SERPINB7: variants seen among roughly 807,000 people sequenced by gnomAD.
SERPINB7 encodes the protein serpin family B member 7, also known as serpin B7.
SERPINB7 carries 31 observed loss-of-function variants against 37.4 expected under a neutral mutation model. The observed-to-expected ratio is 0.83, with a 90% CI of 0.62 to 1.12. The LOEUF (loss-of-function observed/expected upper bound fraction) is 1.12. Among genes scored for constraint, SERPINB7 ranks in the 50% most tolerant of loss-of-function variants. SERPINB7 has a pLI of 0.00. For synonymous variants in SERPINB7, 163 were observed against 166.1 expected (o/e 0.98, Z 0.14); for missense variants, 521 against 455.3 (o/e 1.14, Z -1.31).
At chr18:63,780,818 A>G (rs1287152590) in intron 1 of SERPINB7, among the ~76,000 whole-genome samples, 2 of 152,168 alleles carry the variant, frequency 1.3e-5, no homozygotes, top group African/African-American at 4.8e-5. Context: ...GTCATGCCTC[A>G]GTGGTGTTCT....
At chr18:63,791,952 G>A (rs2049433812) in intron 2 of SERPINB7, among the ~76,000 whole-genome samples, 1 of 152,146 alleles carries the variant, frequency 6.6e-6, no homozygotes, top group Non-Finnish European at 1.5e-5. Flanking sequence ...TAGTGAAGAA[G>A]GTGGTCACAT....
At position 63,800,879 on chromosome 18, in the gene SERPINB7, C is replaced by T; in HGVS notation, c.611C>T (p.Ala204Val). Residue 204 changes from alanine to valine, a missense_variant, in exon 7 of 8, where the codon GCA becomes GTA. Ala to Val is a moderately conservative substitution (Grantham distance 64). Transcript: ENST00000398019. The part of the protein sequence containing the change: ...HFKSPKCSGK[A>V]VAMMHQERKF... ...CTTGACTTTCAGTGCTCTGGGAAGG[C>T]AGTCGCCATGATGCATCAGGAACGG... 1 of 1,613,462 alleles carries T rather than the reference C, an allele frequency of 6.2e-7. No homozygotes were observed. The highest frequency in any genetic ancestry group is 8.5e-7 in the Non-Finnish European group (1 of 1,179,732).
In SERPINB7 at chr18:63,788,052, A is replaced by G. The variant is rs2049390638; in HGVS notation, c.169-4341A>G. 2.0e-5 allele frequency among the ~76,000 whole-genome samples: 3 copies of G among 152,266 alleles called. No individual in the cohort carries two copies. In the South Asian group the frequency reaches 6.2e-4, roughly 31 times the overall value. On this transcript the variant is annotated intron_variant, in intron 2 of 7. Coordinates refer to ENST00000398019, the MANE Select transcript of SERPINB7 (RefSeq NM_003784.4). ...TGATGTACAGTACGTAATGCTTGAT[A>G]ATGGTGACTATTACTGATTTATGCA...
chr18:63,764,887 T>C (rs1385459982), intron 1 of SERPINB7, among the ~76,000 whole-genome samples: 1 of 151,718 alleles, frequency 6.6e-6, no homozygotes, highest in Non-Finnish European at 1.5e-5. Context: ...CCAGAAGAGG[T>C]GAGTAATTAG....
intron 5 of SERPINB7, among the ~76,000 whole-genome samples, chr18:63,797,099 A>G (rs2049496636): frequency 1.3e-5 from 2 of 152,238 alleles, no homozygotes; most frequent in African/African-American, 4.8e-5. Context: ...AGTGCAAAGC[A>G]AATAAAGAAA....
intron 1 of SERPINB7, among the ~76,000 whole-genome samples, chr18:63,764,049 C>T (rs928098795): frequency 9.9e-5 from 15 of 152,224 alleles, no homozygotes; most frequent in African/African-American, 3.1e-4. Context: ...CATGCCATTT[C>T]TATGGTATGA....
chr18:63,794,053 C>T (rs974144748), intron 4 of SERPINB7, among the ~76,000 whole-genome samples: 10 of 151,822 alleles, frequency 6.6e-5, no homozygotes, highest in African/African-American at 2.2e-4. Flanking sequence ...AAGCGATTCT[C>T]CTGCCTCAGC....
At chr18:63,759,907 CCT>C (rs370044040) in intron 1 of SERPINB7, among the ~76,000 whole-genome samples, 7 of 152,308 alleles carry the variant, frequency 4.6e-5, no homozygotes, top group South Asian at 2.1e-4. Flanking sequence ...TCCAATGAAA[CCT>C]CTTTTTCTTC....
At chr18:63,794,008 A>G (rs1599016315) in intron 4 of SERPINB7, among the ~76,000 whole-genome samples, 2 of 151,240 alleles carry the variant, frequency 1.3e-5, no homozygotes, top group Non-Finnish European at 2.9e-5. Flanking sequence ...CACTGGCGCA[A>G]TCTCGGCTCA....
intron 1 of SERPINB7, among the ~76,000 whole-genome samples, chr18:63,769,069 A>C (rs1046772564): frequency 2.9e-4 from 44 of 152,194 alleles, no homozygotes; most frequent in African/African-American, 1.0e-3. Flanking sequence ...ACTTATGTAC[A>C]AGCACTTTTG....
rs1017146264 is a variant in SERPINB7, at chr18:63,795,788, G to A, written c.337-478G>A. Among the ~76,000 whole-genome samples the A allele has an allele frequency of 3.3e-5, 5 of 152,260 alleles. No homozygotes were observed. The East Asian group carries it at 5.8e-4, about 18-fold the overall frequency. On this transcript the variant is annotated intron_variant, in intron 4 of 7. Coordinates refer to ENST00000398019, the MANE Select transcript of SERPINB7 (RefSeq NM_003784.4). ...GAGCAACTGTCAGGAATGTAGTATCGTGGGACAGCAGAGTAAGGAGAAAGT... is the reference window on the plus strand; with the variant it reads ...GAGCAACTGTCAGGAATGTAGTATCATGGGACAGCAGAGTAAGGAGAAAGT...
In SERPINB7 at chr18:63,796,389, T is replaced by C. The variant is rs2049489255; in HGVS notation, c.454+6T>C. ...GGTTGAAAATGAAACACATGGTGAG[T>C]ATTGAAATACCCTATTTTTCTACAA... On this transcript the variant is annotated splice_donor_region_variant and intron_variant, in intron 5 of 7. Coordinates refer to ENST00000398019, the MANE Select transcript of SERPINB7 (RefSeq NM_003784.4). The C allele has an allele frequency of 7.0e-7, 1 of 1,418,838 alleles. No homozygotes were observed. Among genetic ancestry groups the C allele is most frequent in the Admixed American group, 1.7e-5 (1 of 59,280 alleles). The allele number at this position is 1,418,838 out of a possible 1,614,324, so 87.9% of individuals were successfully genotyped here. A position where few individuals can be genotyped will look rare whatever the true frequency, so the allele number is the denominator to read the frequency against.
At chr18:63,785,771 A>G (rs1275330864) in intron 2 of SERPINB7, among the ~76,000 whole-genome samples, 1 of 151,136 alleles carries the variant, frequency 6.6e-6, no homozygotes, top group Non-Finnish European at 1.5e-5. Flanking sequence ...AGATCTAATA[A>G]TGCTGTTCTT....
chr18:63,792,428 C>A lies in SERPINB7; in HGVS notation c.204C>A (p.Asn68Lys). ...LHVNTASGYGNSSNSQSGLQS... is the reference protein window; with the variant it reads ...LHVNTASGYGKSSNSQSGLQS... ...TTAACACTGCCTCAGGATATGGAAACTCTTCTAATAGTCAGGTAAAGACAA... is the reference window on the plus strand; with the variant it reads ...TTAACACTGCCTCAGGATATGGAAAATCTTCTAATAGTCAGGTAAAGACAA... The change falls in exon 3 of 8, where the codon AAC becomes AAA. Residue 68 changes from asparagine to lysine, a missense_variant. Physicochemically the swap from Asn to Lys is moderately conservative, Grantham distance 94. Transcript: ENST00000398019. The A allele has an allele frequency of 6.2e-7, 1 of 1,600,946 alleles. No homozygotes were observed. The highest frequency in any genetic ancestry group is 8.6e-7 in the Non-Finnish European group (1 of 1,168,164).
chr18:63,797,680 T>C (rs532599185), intron 5 of SERPINB7, among the ~76,000 whole-genome samples: 9 of 152,318 alleles, frequency 5.9e-5, no homozygotes, highest in African/African-American at 2.2e-4. Context: ...CTACACAATA[T>C]CAGAGCCATC....
chr18:63,784,478 T>A (rs528065059), intron 2 of SERPINB7, among the ~76,000 whole-genome samples: 2 of 152,270 alleles, frequency 1.3e-5, no homozygotes, highest in East Asian at 1.9e-4. Flanking sequence ...TCAAAGTACA[T>A]CACTGTGAAG....
At chr18:63,772,232 T>C (rs1266624589), upstream of SERPINB7, among the ~76,000 whole-genome samples, 4 of 148,318 alleles carry the variant, frequency 2.7e-5, no homozygotes, top group African/African-American at 1.1e-4. Flanking sequence ...TAGCTTACTA[T>C]CTATCTATCT....
chr18:63,783,100 T>G (rs943737052), intron 2 of SERPINB7, among the ~76,000 whole-genome samples: 1 of 150,382 alleles, frequency 6.6e-6, no homozygotes, highest in African/African-American at 2.5e-5. Flanking sequence ...ATAGCGCTAC[T>G]GCAGTCCAGC....
At chr18:63,793,498 A>T (rs2144632848) in intron 4 of SERPINB7, among the ~76,000 whole-genome samples, 1 of 152,304 alleles carries the variant, frequency 6.6e-6, no homozygotes, top group East Asian at 1.9e-4. Flanking sequence ...TAGGCTTCAA[A>T]ACAGAAGAGA....
Sources: allele counts gnomAD v4.1 joint callset (sites outside exome capture counted in the v4.1 genomes callset), GRCh38; gene constraint gnomAD v4.1.1; transcripts MANE v1.5; gene names NCBI Gene and HGNC (gene_info 2026-07-23, HGNC 2026-07-21).